Variants in PTPRD observed in about 807,000 individuals in gnomAD.
The protein encoded by PTPRD is protein tyrosine phosphatase receptor type D.
A neutral mutation model predicts 214.5 loss-of-function variants in PTPRD; 34 were observed. The observed-to-expected ratio is 0.16, with a 90% CI of 0.12 to 0.21. The LOEUF is 0.21. Among genes scored for constraint, PTPRD ranks in the 10% least tolerant of loss-of-function variants. PTPRD has a pLI of 1.00. For missense variants in PTPRD, 2,545 were observed against 2,398.7 expected (o/e 1.06, Z -1.27); for synonymous variants, 1,128 against 845.7 (o/e 1.33, Z -5.79).
intron 11 of PTPRD, among the ~76,000 whole-genome samples, chr9:8,838,553 A>C (rs1264621653): frequency 7.0e-6 from 1 of 143,720 alleles, no homozygotes; most frequent in African/African-American, 2.5e-5. Flanking sequence ...AACTGCTTGA[A>C]ACTGAAAAAT....
At chr9:10,112,076 A>G (rs1034611624) in intron 3 of PTPRD, among the ~76,000 whole-genome samples, 1 of 152,216 alleles carries the variant, frequency 6.6e-6, no homozygotes, top group African/African-American at 2.4e-5. Flanking sequence ...GCCAATGAAT[A>G]TCCAGGTACC....
intron 2 of PTPRD, among the ~76,000 whole-genome samples, chr9:10,588,671 T>C (rs1186867857): frequency 2.0e-5 from 3 of 152,044 alleles, no homozygotes; most frequent in African/African-American, 7.2e-5. Context: ...AATTACTAAG[T>C]ATATTTCAAT....
At chr9:9,336,748 G>A (rs1003097899) in intron 9 of PTPRD, among the ~76,000 whole-genome samples, 2 of 152,024 alleles carry the variant, frequency 1.3e-5, no homozygotes, top group African/African-American at 2.4e-5. Context: ...TTTAAAGTAA[G>A]CTCACTTTTA....
At chr9:10,311,152 T>C (rs1002860275) in intron 3 of PTPRD, among the ~76,000 whole-genome samples, 38 of 152,026 alleles carry the variant, frequency 2.5e-4, no homozygotes, top group African/African-American at 9.2e-4. Flanking sequence ...TCCCTTCCTT[T>C]TTCTCTAGTA....
chr9:8,480,323 T>C (rs900756065), intron 30 of PTPRD, among the ~76,000 whole-genome samples: 1 of 152,144 alleles, frequency 6.6e-6, no homozygotes, highest in African/African-American at 2.4e-5. Flanking sequence ...TTTTTAAGCC[T>C]CAGCTTAAAA....
intron 2 of PTPRD, among the ~76,000 whole-genome samples, chr9:10,549,141 T>C (rs1212324430): frequency 3.3e-5 from 5 of 152,204 alleles, no homozygotes; most frequent in African/African-American, 9.6e-5. Flanking sequence ...CTCAGGATTA[T>C]AGAATAATTG....
chr9:9,174,350 C>G (rs796521378), intron 10 of PTPRD, among the ~76,000 whole-genome samples: 9 of 152,106 alleles, frequency 5.9e-5, no homozygotes, highest in African/African-American at 2.2e-4. Flanking sequence ...CCACAATTAC[C>G]CATTTAAGAG....
At chr9:9,262,213 C>G (rs1361971783) in intron 9 of PTPRD, among the ~76,000 whole-genome samples, 1 of 151,048 alleles carries the variant, frequency 6.6e-6, no homozygotes, top group Non-Finnish European at 1.5e-5. Context: ...TCCATGCTGT[C>G]TAGTAAAAAT....
intron 9 of PTPRD, among the ~76,000 whole-genome samples, chr9:9,291,634 C>T (rs1215138636): frequency 6.6e-6 from 1 of 150,982 alleles, no homozygotes; most frequent in Non-Finnish European, 1.5e-5. Flanking sequence ...GTTTATATTG[C>T]TTATGGTTTT....
intron 9 of PTPRD, among the ~76,000 whole-genome samples, chr9:9,207,781 A>G (rs147472232): frequency 6.6e-6 from 1 of 152,218 alleles, no homozygotes; most frequent in East Asian, 1.9e-4. Context: ...ACTATTTGTC[A>G]TAGTAAAAGA....
chr9:8,697,087 G>T (rs892386122), intron 12 of PTPRD, among the ~76,000 whole-genome samples: 4 of 152,206 alleles, frequency 2.6e-5, no homozygotes, highest in African/African-American at 4.8e-5. Context: ...CAAGTCTGTT[G>T]TCTAGTATTT....
intron 3 of PTPRD, among the ~76,000 whole-genome samples, chr9:10,095,008 C>T (rs2098469004): frequency 6.6e-6 from 1 of 151,254 alleles, no homozygotes; most frequent in Non-Finnish European, 1.5e-5. Context: ...TAATAAACTT[C>T]TAAGCGGGGT....
intron 2 of PTPRD, among the ~76,000 whole-genome samples, chr9:10,550,837 T>C (rs1446156543): frequency 1.3e-5 from 2 of 152,236 alleles, no homozygotes; most frequent in East Asian, 3.8e-4. Flanking sequence ...ATAAGCTTTT[T>C]CTCCACCTCT....
At chr9:8,832,776 T>TTC (rs138693882) in intron 11 of PTPRD, among the ~76,000 whole-genome samples, 18,307 of 149,798 alleles carry the variant, frequency 0.12, 1,310 homozygotes, top group East Asian at 0.27. Context: ...TAAATTGGAG[T>TTC]TCTCTCTCTC....
intron 11 of PTPRD, among the ~76,000 whole-genome samples, chr9:9,015,262 A>G (rs1168056824): frequency 6.6e-6 from 1 of 152,118 alleles, no homozygotes; most frequent in African/African-American, 2.4e-5. Flanking sequence ...AAGTCACAGG[A>G]TGAGATAGGA....
chr9:8,706,716 G>T (rs1303485515), intron 12 of PTPRD, among the ~76,000 whole-genome samples: 4 of 152,166 alleles, frequency 2.6e-5, no homozygotes, highest in African/African-American at 7.2e-5. Flanking sequence ...CCCAAGCAAA[G>T]CACAACAAAC....
intron 2 of PTPRD, among the ~76,000 whole-genome samples, chr9:10,385,138 T>C (rs1273258002): frequency 7.9e-5 from 12 of 151,898 alleles, no homozygotes; most frequent in African/African-American, 2.9e-4. Flanking sequence ...TAACCACAAA[T>C]ACTACTTGTT....
At chr9:10,048,312 C>T (rs986548161) in intron 3 of PTPRD, among the ~76,000 whole-genome samples, 1 of 152,068 alleles carries the variant, frequency 6.6e-6, no homozygotes, top group Non-Finnish European at 1.5e-5. Flanking sequence ...AATAAGTACT[C>T]AAGACTCACT....
chr9:9,639,691 G>C (rs1249335356), intron 7 of PTPRD, among the ~76,000 whole-genome samples: 1 of 152,066 alleles, frequency 6.6e-6, no homozygotes, highest in Non-Finnish European at 1.5e-5. Flanking sequence ...AAAATTATGG[G>C]TGATAGATCT....
Sources: gnomAD v4.1 joint callset for allele counts (sites outside exome capture counted in the v4.1 genomes callset) on GRCh38, gnomAD v4.1.1 for gene constraint, MANE v1.5 for transcripts, NCBI Gene and HGNC (gene_info 2026-07-23, HGNC 2026-07-21) for gene names.